Variants in NBPF3 observed in about 807,000 individuals in gnomAD.
NBPF3 encodes NBPF member 3, also known as NBPF family member NBPF3.
In NBPF3, 57 loss-of-function variants were observed where a neutral mutation model predicts 78.1. The observed-to-expected ratio is 0.73, with a 90% CI of 0.59 to 0.91. NBPF3 has a LOEUF of 0.91. Among genes scored for constraint, NBPF3 ranks in the 40% least tolerant of loss-of-function variants. The pLI is 0.00. For missense variants in NBPF3, 510 were observed against 715.3 expected (o/e 0.71, Z 3.27); for synonymous variants, 182 against 271.7 (o/e 0.67, Z 3.25).
At position 21,470,674 on chromosome 1, in the gene NBPF3, A is replaced by G; in HGVS notation, c.386A>G (p.Asp129Gly). 1 of 1,601,324 alleles carries G rather than the reference A, an allele frequency of 6.2e-7. No individual in the cohort carries two copies. ...CKDLIKSMLR[D>G]ERLLTEEKLA... Reference sequence around the variant, plus strand: ...GACCTCATAAAATCTATGCTGAGGGATGAGCGGCTGCTCACAGAAGAGAAG... The same window carrying G: ...GACCTCATAAAATCTATGCTGAGGGGTGAGCGGCTGCTCACAGAAGAGAAG... The change falls in exon 4 of 15, where the codon GAT (aspartate) becomes GGT (glycine). Residue 129 changes from aspartate to glycine, a missense_variant. This residue lies in a region of NBPF3 where 440 missense variants were observed against 478.2 expected (regional missense o/e 0.92). Coordinates refer to ENST00000318249, the MANE Select transcript of NBPF3 (RefSeq NM_032264.6).
At position 21,451,546 on chromosome 1, in the gene NBPF3, G is replaced by T. The variant is rs1641311461; in HGVS notation, c.133+6327G>T. ...CTGATGACTTCAGGGACATGAACATGGGATACAGGACACCTGTCATCACCA... is the reference window on the plus strand; with the variant it reads ...CTGATGACTTCAGGGACATGAACATTGGATACAGGACACCTGTCATCACCA... On this transcript the variant is annotated intron_variant, in intron 2 of 14. Transcript: ENST00000318249. Among the ~76,000 whole-genome samples the T allele has an allele frequency of 2.6e-5, 4 of 152,178 alleles. No homozygotes were observed. The South Asian group carries it at 8.3e-4, about 31-fold the overall frequency.
At chr1:21,456,879 A>G (rs559705235) in intron 2 of NBPF3, among the ~76,000 whole-genome samples, 3 of 152,368 alleles carry the variant, frequency 2.0e-5, no homozygotes, top group African/African-American at 7.2e-5. Flanking sequence ...CAATAAAGTA[A>G]GAAAAATAAA....
chr1:21,456,168 A>G (rs773683263), intron 2 of NBPF3, among the ~76,000 whole-genome samples: 3 of 152,340 alleles, frequency 2.0e-5, no homozygotes, highest in African/African-American at 4.8e-5. Flanking sequence ...ACCAGTCCAC[A>G]TAAGTCCAAA....
intron 2 of NBPF3, chr1:21,446,184 G>A (rs1640959470): frequency 6.6e-6 from 1 of 152,236 alleles, no homozygotes; most frequent in Non-Finnish European, 1.5e-5. Flanking sequence ...GTGGCCTGGT[G>A]TTCTGGGATG....
At chr1:21,463,939 A>G (rs6426702) in intron 2 of NBPF3, among the ~76,000 whole-genome samples, 1 of 152,242 alleles carries the variant, frequency 6.6e-6, no homozygotes, top group Non-Finnish European at 1.5e-5. Flanking sequence ...CTTAAGAAAA[A>G]AATAAAGACA....
At chr1:21,448,795 G>A (rs1413525806) in intron 2 of NBPF3, among the ~76,000 whole-genome samples, 2 of 152,178 alleles carry the variant, frequency 1.3e-5, no homozygotes, top group Non-Finnish European at 2.9e-5. Flanking sequence ...CTCCTTGTGT[G>A]TTAGCCTGTC....
At chr1:21,478,388 G>A in intron 9 of NBPF3, 81 bp downstream of exon 9, 1 of 1,487,600 alleles carries the variant, frequency 6.7e-7, no homozygotes, top group Non-Finnish European at 9.4e-7. Flanking sequence ...TTGTGACCCT[G>A]GTTGGGCTGA....
At chr1:21,441,069 C>CT (rs1640617209) in intron 1 of NBPF3, among the ~76,000 whole-genome samples, 1 of 152,184 alleles carries the variant, frequency 6.6e-6, no homozygotes, top group Admixed American at 6.5e-5. Flanking sequence ...AGTTTCCTTG[C>CT]TTTCCTTCTG....
rs1343438942 is a variant in NBPF3, at chr1:21,480,220, G to C, written c.1378G>C (p.Asp460His). ...ACACCTTGGCTTGGCTCTTGACTTG[G>C]ACAGTGAGTACCTTACTATGAAGGT... ...EQHLGLALDL[D>H]RMKKDQEEEE... Residue 460 changes from aspartate to histidine, a missense_variant, in exon 11 of 15, where the codon GAC becomes CAC. Physicochemically the swap from Asp to His is moderately conservative, Grantham distance 81. Coordinates refer to ENST00000318249, the MANE Select transcript of NBPF3 (RefSeq NM_032264.6). 8.2e-7 allele frequency: 1 copy of C among 1,218,908 alleles called. No homozygotes were observed. Among genetic ancestry groups the C allele is most frequent in the Non-Finnish European group, 1.2e-6 (1 of 846,886 alleles). 75.5% of individuals were successfully genotyped at this position (1,218,908 alleles called of 1,614,324 possible). A position where few individuals can be genotyped will look rare whatever the true frequency, so the allele number is the denominator to read the frequency against.
At chr1:21,463,402 G>A (rs1428886854) in intron 2 of NBPF3, among the ~76,000 whole-genome samples, 2 of 152,190 alleles carry the variant, frequency 1.3e-5, no homozygotes, top group East Asian at 3.9e-4. Context: ...ATGCTCCATG[G>A]AGGGGTGGTG....
At chr1:21,438,263 C>T (rs915291908), upstream of NBPF3, among the ~76,000 whole-genome samples, 1 of 151,956 alleles carries the variant, frequency 6.6e-6, no homozygotes, top group Non-Finnish European at 1.5e-5. Context: ...CAGGCGTGCA[C>T]CACCATGTCT....
chr1:21,472,909 C>G lies in NBPF3; in HGVS notation c.728C>G (p.Ala243Gly), dbSNP rs1434296324. 3.1e-6 allele frequency: 5 copies of G among 1,608,110 alleles called. No individual in the cohort carries two copies. In the African/African-American group the frequency reaches 4.0e-5, roughly 13 times the overall value. Reference sequence around the variant, plus strand: ...GCTGAGAAAGTACAGGAATTATATGCCCCCAGGTAACGCTGAATAATCGGG... The same window carrying G: ...GCTGAGAAAGTACAGGAATTATATGGCCCCAGGTAACGCTGAATAATCGGG... Reference protein sequence around the residue: ...EEAEKVQELYAPREVQKAEEK... With the variant: ...EEAEKVQELYGPREVQKAEEK... The change falls in exon 6 of 15, where the codon GCC becomes GGC. Residue 243 changes from alanine (A) to glycine (G), a missense_variant. Ala to Gly is a moderately conservative substitution (Grantham distance 60). Transcript: ENST00000318249.
At chr1:21,457,695 C>A (rs1279278854) in intron 2 of NBPF3, among the ~76,000 whole-genome samples, 1 of 152,126 alleles carries the variant, frequency 6.6e-6, no homozygotes, top group East Asian at 1.9e-4. Flanking sequence ...GGTAGGACTC[C>A]TTTGAAAATC....
At chr1:21,457,306 A>G (rs955994238) in intron 2 of NBPF3, among the ~76,000 whole-genome samples, 5 of 151,264 alleles carry the variant, frequency 3.3e-5, no homozygotes, top group African/African-American at 1.2e-4. Context: ...TATAGGAGAT[A>G]TCATATTTAT....
upstream of NBPF3, among the ~76,000 whole-genome samples, chr1:21,439,120 A>C (rs1035732408): frequency 5.9e-5 from 9 of 152,076 alleles, no homozygotes; most frequent in Non-Finnish European, 7.4e-5. Context: ...GCACGTGCCA[A>C]ATGGGAAGGG....
At chr1:21,482,918 T>TCC (rs1328510889) in intron 14 of NBPF3, among the ~76,000 whole-genome samples, 3 of 59,374 alleles carry the variant, frequency 5.1e-5, no homozygotes, top group Non-Finnish European at 3.8e-5. Context: ...GAGCTCACTT[T>TCC]CTCTCTCTCT....
chr1:21,453,229 A>G (rs1641410327), intron 2 of NBPF3: 1 of 152,092 alleles, frequency 6.6e-6, no homozygotes, highest in African/African-American at 2.4e-5. Flanking sequence ...GAGGAAGGTG[A>G]GGTCTGTATT....
chr1:21,472,788 G>A, intron 5 of NBPF3, 55 bp from the exon 6 acceptor site: 1 of 1,263,230 alleles, frequency 7.9e-7, no homozygotes, highest in Non-Finnish European at 1.2e-6. Flanking sequence ...TCGGCTGACT[G>A]TGCTTGCAGA....
Position 21,471,714 on chromosome 1 carries a change from C to G in NBPF3, c.592C>G (p.Arg198Gly). ...TPDEPDNSQG[R>G]DLREQLAEGC... ...GGATGAGCCGGACAACTCCCAGGGACGGGACCTCCGAGAACAGCTGGCTGA... is the reference window on the plus strand; with the variant it reads ...GGATGAGCCGGACAACTCCCAGGGAGGGGACCTCCGAGAACAGCTGGCTGA... Residue 198 changes from arginine to glycine, a missense_variant, in exon 5 of 15, where the codon CGG becomes GGG. Physicochemically the swap from Arg to Gly is moderately radical, Grantham distance 125. Around this residue, in one of 5 missense-constraint regions of NBPF3, gnomAD observed 440 missense variants for 478.2 expected, o/e 0.92. Transcript: ENST00000318249. 1 of 1,613,022 alleles carries G rather than the reference C, an allele frequency of 6.2e-7. No homozygotes were observed. The highest frequency in any genetic ancestry group is 8.5e-7 in the Non-Finnish European group (1 of 1,179,736).
Sources: allele counts gnomAD v4.1 joint callset (sites outside exome capture counted in the v4.1 genomes callset), GRCh38; gene constraint gnomAD v4.1.1; regional missense constraint gnomAD v4.1.1; transcripts MANE v1.5; gene names NCBI Gene and HGNC (gene_info 2026-07-23, HGNC 2026-07-21).